Variants in MAMDC2 observed in about 807,000 individuals in gnomAD.
MAMDC2 encodes the protein MAM domain-containing protein 2.
In MAMDC2, 57 loss-of-function variants were observed where a neutral mutation model predicts 89.8. That is an observed-to-expected ratio of 0.63 (90% CI 0.51 to 0.79). The LOEUF (loss-of-function observed/expected upper bound fraction) is 0.79. Ranked by LOEUF, MAMDC2 falls within the 30% of genes least tolerant of loss-of-function variation. The pLI is 0.00. For missense variants in MAMDC2, 800 were observed against 820.6 expected (o/e 0.97, Z 0.31); for synonymous variants, 313 against 293.4 (o/e 1.07, Z -0.68).
intron 8 of MAMDC2, among the ~76,000 whole-genome samples, chr9:70,142,398 T>C (rs2031253770): frequency 6.6e-6 from 1 of 152,068 alleles, no homozygotes; most frequent in Non-Finnish European, 1.5e-5. Context: ...AGGAAGCATT[T>C]GGAATTTTAT....
chr9:70,108,729 G>A (rs1306838142), intron 3 of MAMDC2, among the ~76,000 whole-genome samples: 1 of 152,086 alleles, frequency 6.6e-6, no homozygotes, highest in Non-Finnish European at 1.5e-5. Flanking sequence ...TCTAAATGGG[G>A]CTTAAATCAA....
At chr9:70,211,095 T>C (rs1208809102) in intron 11 of MAMDC2, among the ~76,000 whole-genome samples, 1 of 152,214 alleles carries the variant, frequency 6.6e-6, no homozygotes, top group Non-Finnish European at 1.5e-5. Flanking sequence ...ATCTGACAAT[T>C]ATGTGTCTTG....
chr9:70,215,347 G>GT (rs1248351821), intron 11 of MAMDC2, among the ~76,000 whole-genome samples: 3 of 152,144 alleles, frequency 2.0e-5, no homozygotes, highest in Non-Finnish European at 4.4e-5. Context: ...ACACTGACAG[G>GT]TTTTTTTGCT....
intron 5 of MAMDC2, among the ~76,000 whole-genome samples, chr9:70,114,891 G>A (rs981069990): frequency 2.0e-5 from 3 of 152,184 alleles, no homozygotes; most frequent in Admixed American, 6.5e-5. Flanking sequence ...GTCCCTCACT[G>A]CTTGGATGTC....
chr9:70,149,514 T>TGATTGG (rs1261125715), intron 9 of MAMDC2, among the ~76,000 whole-genome samples: 2 of 152,148 alleles, frequency 1.3e-5, no homozygotes, highest in Non-Finnish European at 2.9e-5. Flanking sequence ...AGTCCCATAT[T>TGATTGG]GATTGGTCAT....
chr9:70,202,052 C>T (rs1587565976), intron 11 of MAMDC2, among the ~76,000 whole-genome samples: 1 of 151,668 alleles, frequency 6.6e-6, no homozygotes, highest in African/African-American at 2.4e-5. Flanking sequence ...TCTCTATTTC[C>T]TTCAGTTCTG....
At chr9:70,212,647 G>A (rs1455234969) in intron 11 of MAMDC2, among the ~76,000 whole-genome samples, 1 of 152,196 alleles carries the variant, frequency 6.6e-6, no homozygotes, top group South Asian at 2.1e-4. Flanking sequence ...ATAAGCCCCA[G>A]TGAGATGAAC....
intron 11 of MAMDC2, chr9:70,188,515 A>G (rs990300454): frequency 7.9e-5 from 12 of 152,038 alleles, no homozygotes; most frequent in African/African-American, 2.7e-4. Flanking sequence ...GATTTCAATT[A>G]ACATCTTTAA....
chr9:70,198,457 G>C (rs1188586375), intron 11 of MAMDC2, among the ~76,000 whole-genome samples: 3 of 151,950 alleles, frequency 2.0e-5, no homozygotes, highest in African/African-American at 7.3e-5. Flanking sequence ...TAGTTGACCT[G>C]GAGTTTACAG....
chr9:70,052,205 T>G (rs1490011956), intron 2 of MAMDC2, among the ~76,000 whole-genome samples: 2 of 152,182 alleles, frequency 1.3e-5, no homozygotes, highest in African/African-American at 4.8e-5. Context: ...AAAGAAGAAA[T>G]GCCCTCGTCT....
intron 2 of MAMDC2, among the ~76,000 whole-genome samples, chr9:70,063,755 C>G (rs1827202085): frequency 6.6e-6 from 1 of 152,136 alleles, no homozygotes; most frequent in Non-Finnish European, 1.5e-5. Flanking sequence ...TATTTATAAT[C>G]TGTTGAACAG....
At chr9:70,179,634 A>C (rs1213791896) in intron 11 of MAMDC2, among the ~76,000 whole-genome samples, 2 of 151,282 alleles carry the variant, frequency 1.3e-5, no homozygotes, top group African/African-American at 4.8e-5. Flanking sequence ...AAAAAAAAAA[A>C]ACAAAAGCTT....
intron 11 of MAMDC2, among the ~76,000 whole-genome samples, chr9:70,200,006 A>C (rs376885806): frequency 6.6e-6 from 1 of 151,882 alleles, no homozygotes; most frequent in Admixed American, 6.6e-5. Flanking sequence ...TAGGTTGCCT[A>C]TTCACTCTGA....
At chr9:70,175,356 A>G (rs1426939336) in intron 11 of MAMDC2, among the ~76,000 whole-genome samples, 1 of 152,218 alleles carries the variant, frequency 6.6e-6, no homozygotes, top group Non-Finnish European at 1.5e-5. Flanking sequence ...GCCAAGCCAC[A>G]GAATTTCATG....
chr9:70,057,021 T>C (rs1827039368), intron 2 of MAMDC2, among the ~76,000 whole-genome samples: 1 of 152,168 alleles, frequency 6.6e-6, no homozygotes, highest in Admixed American at 6.5e-5. Flanking sequence ...TGGTGAATTG[T>C]ATAATCATTA....
At chr9:70,044,852 A>T (rs1268370052) in intron 2 of MAMDC2, among the ~76,000 whole-genome samples, 155 bp downstream of exon 2, 1 of 152,202 alleles carries the variant, frequency 6.6e-6, no homozygotes, top group South Asian at 2.1e-4. Flanking sequence ...GCTGTGCTGC[A>T]AGGGATGGCC....
At chr9:70,095,236 C>A (rs1403617812) in intron 2 of MAMDC2, among the ~76,000 whole-genome samples, 2 of 152,122 alleles carry the variant, frequency 1.3e-5, no homozygotes, top group South Asian at 2.1e-4. Context: ...ACAATGGGGA[C>A]CCCCTTCAGG....
chr9:70,105,697 T>C (rs1307127097), intron 2 of MAMDC2, among the ~76,000 whole-genome samples: 2 of 152,214 alleles, frequency 1.3e-5, no homozygotes, highest in African/African-American at 4.8e-5. Flanking sequence ...TTTTAAATAG[T>C]ACATTTTATA....
chr9:70,148,414 T>C (rs1405708511), intron 9 of MAMDC2, among the ~76,000 whole-genome samples: 2 of 150,210 alleles, frequency 1.3e-5, no homozygotes, highest in Non-Finnish European at 3.0e-5. Context: ...CTCTCTAGTT[T>C]TAAACCCCAA....
Sources: allele counts gnomAD v4.1 joint callset (sites outside exome capture counted in the v4.1 genomes callset), GRCh38; gene constraint gnomAD v4.1.1; transcripts MANE v1.5; gene names NCBI Gene and HGNC (gene_info 2026-07-23, HGNC 2026-07-21).